Variants in SORCS3 observed in about 807,000 individuals in gnomAD.
SORCS3 encodes the protein sortilin related VPS10 domain containing receptor 3.
In SORCS3, 57 loss-of-function variants were observed where a neutral mutation model predicts 146.3. The ratio of observed to expected loss-of-function variants is 0.39; its 90% CI spans 0.31 to 0.49. SORCS3 has a LOEUF of 0.49. Among genes scored for constraint, SORCS3 ranks in the 20% least tolerant of loss-of-function variants. SORCS3 has a pLI of 0.92. For synonymous variants in SORCS3, 653 were observed against 618.5 expected, an observed-to-expected ratio of 1.06 and a Z score of -0.83; for missense variants, 1,341 against 1,575.5, an observed-to-expected ratio of 0.85 and a Z score of 2.52.
At chr10:104,842,663 A>G (rs1458815037) in intron 1 of SORCS3, 129 bp from the exon 2 acceptor site, 4 of 658,990 alleles carry the variant, frequency 6.1e-6, no homozygotes, top group African/African-American at 3.6e-5. Flanking sequence ...CCGCAACTCA[A>G]TGGATAAATA....
intron 5 of SORCS3, among the ~76,000 whole-genome samples, chr10:105,075,152 A>G (rs1038715127): frequency 6.6e-6 from 1 of 152,152 alleles, no homozygotes; most frequent in East Asian, 1.9e-4. Flanking sequence ...ATAATCTTGC[A>G]TCTAATTACA....
intron 1 of SORCS3, among the ~76,000 whole-genome samples, chr10:104,716,186 G>A (rs1452102658): frequency 6.6e-6 from 1 of 152,024 alleles, no homozygotes; most frequent in Non-Finnish European, 1.5e-5. Context: ...TGTCGGACAG[G>A]TAATTTACTT....
At chr10:104,943,610 GA>G (rs2019341770) in intron 3 of SORCS3, among the ~76,000 whole-genome samples, 1 of 152,080 alleles carries the variant, frequency 6.6e-6, no homozygotes, top group Admixed American at 6.6e-5. Context: ...ATGGTTTATA[GA>G]ATTAATTTTA....
intron 17 of SORCS3, 77 bp from the exon 18 acceptor site, chr10:105,214,365 A>AACACACACAC (rs34307677): frequency 4.5e-5 from 65 of 1,433,502 alleles, no homozygotes; most frequent in Middle Eastern, 3.6e-4. Context: ...TTCCCTTTAT[A>AACACACACAC]ACACACACAC....
At chr10:105,119,283 T>A (rs1326375958) in intron 7 of SORCS3, among the ~76,000 whole-genome samples, 1 of 152,164 alleles carries the variant, frequency 6.6e-6, no homozygotes, top group Non-Finnish European at 1.5e-5. Context: ...TTTGGGGATG[T>A]TCACTTAGAT....
chr10:104,902,436 G>T (rs768482733), intron 2 of SORCS3, among the ~76,000 whole-genome samples: 1 of 152,220 alleles, frequency 6.6e-6, no homozygotes, highest in Non-Finnish European at 1.5e-5. Context: ...GAGGGACAGG[G>T]TCCTTGAGCC....
chr10:105,259,231 C>T (rs2930462), intron 25 of SORCS3, among the ~76,000 whole-genome samples: 151,413 of 152,356 alleles, frequency 0.99, 75,244 homozygotes, highest in East Asian at 1. Context: ...TTAACTTTAA[C>T]TAATTAAGTG....
intron 2 of SORCS3, among the ~76,000 whole-genome samples, chr10:104,899,877 C>T (rs149086743): frequency 5.9e-4 from 89 of 152,072 alleles, no homozygotes; most frequent in African/African-American, 2.1e-3. Flanking sequence ...TGACCATCTC[C>T]AGAGGTTACC....
At chr10:104,773,567 C>T (rs1294774890) in intron 1 of SORCS3, among the ~76,000 whole-genome samples, 1 of 152,176 alleles carries the variant, frequency 6.6e-6, no homozygotes, top group Non-Finnish European at 1.5e-5. Context: ...CCAGCTGACG[C>T]AGGGCTAAGC....
chr10:105,201,605 A>G (rs985489666), intron 16 of SORCS3, among the ~76,000 whole-genome samples: 12 of 152,194 alleles, frequency 7.9e-5, no homozygotes, highest in Non-Finnish European at 1.3e-4. Context: ...GCCTCCAGCC[A>G]CATGCACTCT....
chr10:105,094,400 A>G (rs1427942870), intron 6 of SORCS3, among the ~76,000 whole-genome samples: 1 of 152,232 alleles, frequency 6.6e-6, no homozygotes, highest in Non-Finnish European at 1.5e-5. Flanking sequence ...TTTGGTTAAT[A>G]AAAGCTAGGA....
At chr10:104,718,172 A>G (rs886649912) in intron 1 of SORCS3, among the ~76,000 whole-genome samples, 7 of 151,306 alleles carry the variant, frequency 4.6e-5, no homozygotes, top group African/African-American at 1.7e-4. Context: ...ATAAATGAAT[A>G]AATAAATAAA....
In SORCS3 at chr10:104,722,536, A is replaced by T. The variant is rs368515691; in HGVS notation, c.627+80582A>T. ...TTCCCTCTTTTTCTATTGATTGGAA[A>T]AGTTTCAGAAGGAATGGTACCAGCC... On this transcript the variant is annotated intron_variant, in intron 1 of 26. Coordinates refer to ENST00000369701, the MANE Select transcript of SORCS3 (RefSeq NM_014978.3). Among the ~76,000 whole-genome samples the T allele has an allele frequency of 4.6e-5, 7 of 152,204 alleles. No homozygotes were observed. The East Asian group carries it at 5.8e-4, about 13-fold the overall frequency.
intron 13 of SORCS3, among the ~76,000 whole-genome samples, chr10:105,176,707 T>C (rs1201907308): frequency 2.0e-5 from 3 of 151,758 alleles, no homozygotes; most frequent in Non-Finnish European, 4.4e-5. Context: ...TACAAAAAAA[T>C]AGCCATGCTT....
chr10:104,818,797 T>C (rs1277736761), intron 1 of SORCS3, among the ~76,000 whole-genome samples: 4 of 152,028 alleles, frequency 2.6e-5, no homozygotes. Context: ...TTTGCAGAGG[T>C]GTGAACTTGA....
intron 3 of SORCS3, among the ~76,000 whole-genome samples, chr10:104,946,887 C>T (rs1176918580): frequency 6.6e-6 from 1 of 152,072 alleles, no homozygotes; most frequent in African/African-American, 2.4e-5. Flanking sequence ...AGGCCTTGCT[C>T]CCTCTGAACT....
At chr10:105,187,521 T>C (rs2056486124) in intron 14 of SORCS3, among the ~76,000 whole-genome samples, 1 of 152,220 alleles carries the variant, frequency 6.6e-6, no homozygotes, top group African/African-American at 2.4e-5. Flanking sequence ...TGTTGTCTGC[T>C]GATGTCTGGC....
At chr10:104,995,270 C>T (rs1253463312) in intron 4 of SORCS3, among the ~76,000 whole-genome samples, 1 of 151,730 alleles carries the variant, frequency 6.6e-6, no homozygotes, top group Non-Finnish European at 1.5e-5. Context: ...AGCAATTCTC[C>T]TGCCTCAGCC....
chr10:105,175,214 A>ATTTTTTTT (rs71482448), intron 13 of SORCS3, among the ~76,000 whole-genome samples: 7 of 134,632 alleles, frequency 5.2e-5, no homozygotes, highest in Middle Eastern at 4.1e-3. Context: ...TGCTTGGCTA[A>ATTTTTTTT]TTTTTTTTTT....
Sources: gnomAD v4.1 joint callset for allele counts (sites outside exome capture counted in the v4.1 genomes callset) on GRCh38, gnomAD v4.1.1 for gene constraint, MANE v1.5 for transcripts, NCBI Gene and HGNC (gene_info 2026-07-23, HGNC 2026-07-21) for gene names.